Variants in SUMO2 observed in about 807,000 individuals in gnomAD.
SUMO2 encodes the protein small ubiquitin like modifier 2, also known as small ubiquitin-related modifier 2.
Under a neutral mutation model 16.0 loss-of-function variants are expected in SUMO2, and 1 was observed. The ratio of observed to expected loss-of-function variants is 0.06; its 90% CI spans 0.02 to 0.30. SUMO2 has a LOEUF of 0.30. Among genes scored for constraint, SUMO2 ranks in the 10% least tolerant of loss-of-function variants. The pLI, the probability that SUMO2 is intolerant of heterozygous loss-of-function variation, is 1.00. For synonymous variants in SUMO2, 36 were observed against 40.6 expected (o/e 0.89, Z 0.43); for missense variants, 16 against 117.5 (o/e 0.14, Z 3.99).
In SUMO2 at chr17:75,171,621, C is replaced by T. The variant is rs558481769; in HGVS notation, c.225+3131G>A. On this transcript the variant is annotated intron_variant, in intron 3 of 3. Transcript: ENST00000420826. ...AAATATTGGGAGAATAATTCTAAAACGAATCAATTCCAAATTCTTCAAAAT... is the reference window on the plus strand; with the variant it reads ...AAATATTGGGAGAATAATTCTAAAATGAATCAATTCCAAATTCTTCAAAAT... Among the ~76,000 whole-genome samples, 12 of 152,178 alleles carry T rather than the reference C, an allele frequency of 7.9e-5. No individual in the cohort carries two copies. The East Asian group carries it at 1.2e-3, about 15-fold the overall frequency.
At chr17:75,180,539 C>T (rs1255444492) in intron 2 of SUMO2, among the ~76,000 whole-genome samples, 2 of 150,292 alleles carry the variant, frequency 1.3e-5, no homozygotes, top group African/African-American at 4.9e-5. Flanking sequence ...ACGGTGAAAC[C>T]CCATCTCTAC....
chr17:75,169,332 A>C (rs1174207656), intron 3 of SUMO2, among the ~76,000 whole-genome samples: 8 of 152,030 alleles, frequency 5.3e-5, no homozygotes, highest in Non-Finnish European at 1.2e-4. Context: ...TGAGGTCAGG[A>C]GTTCAAGACC....
intron 3 of SUMO2, among the ~76,000 whole-genome samples, chr17:75,170,962 A>C (rs191962512): frequency 1.3e-5 from 2 of 151,386 alleles, no homozygotes; most frequent in African/African-American, 2.4e-5. Flanking sequence ...AAATATCTTT[A>C]AGATACAGTA....
At chr17:75,172,665 G>A (rs969885718) in intron 3 of SUMO2, among the ~76,000 whole-genome samples, 1 of 151,716 alleles carries the variant, frequency 6.6e-6, no homozygotes, top group Non-Finnish European at 1.5e-5. Flanking sequence ...AGTAGAGACG[G>A]GGTTTCTCCA....
intron 3 of SUMO2, among the ~76,000 whole-genome samples, chr17:75,173,476 C>CGT (rs745734014): frequency 3.9e-4 from 55 of 141,072 alleles, no homozygotes; most frequent in Non-Finnish European, 6.4e-4. Flanking sequence ...GACTGGAAGT[C>CGT]ATTTTTTTTT....
At chr17:75,182,293 T>G (rs1417821748) in intron 1 of SUMO2, 1 of 152,370 alleles carries the variant, frequency 6.6e-6, no homozygotes, top group Non-Finnish European at 1.5e-5. Context: ...TCCAGGTTCC[T>G]GCCCGTCCGC....
chr17:75,182,858 C>A lies in SUMO2; in HGVS notation c.-24G>T. Reference sequence around the variant, plus strand: ...ATGGCGAGCGCCGGAGTCTCCTCAGCTGCCGCTTCACAAAAGAGGTACCAG... The same window carrying A: ...ATGGCGAGCGCCGGAGTCTCCTCAGATGCCGCTTCACAAAAGAGGTACCAG... On this transcript the variant is annotated 5_prime_UTR_variant, in exon 1 of 4. Transcript: ENST00000420826. 1 of 1,397,530 alleles carries A rather than the reference C, an allele frequency of 7.2e-7. No individual in the cohort carries two copies. The highest frequency in any genetic ancestry group is 1.7e-5 in the South Asian group (1 of 59,060). 86.6% of individuals were successfully genotyped at this position (1,397,530 alleles called of 1,614,324 possible).
chr17:75,170,179 G>A (rs1488836397), intron 3 of SUMO2, among the ~76,000 whole-genome samples: 1 of 151,978 alleles, frequency 6.6e-6, no homozygotes, highest in Non-Finnish European at 1.5e-5. Context: ...TTAAATAAAT[G>A]AAAGCTGAAT....
At chr17:75,182,751 G>A in intron 1 of SUMO2, 63 bp downstream of exon 1, 1 of 1,262,754 alleles carries the variant, frequency 7.9e-7, no homozygotes, top group Non-Finnish European at 1.0e-6. Flanking sequence ...GCTCTGGCCG[G>A]ACCCCGGCCC....
Position 75,168,234 on chromosome 17 carries a change from G to A in SUMO2, c.*105C>T, listed in dbSNP as rs951919361. On this transcript the variant is annotated 3_prime_UTR_variant, in exon 4 of 4. Transcript: ENST00000420826. Reference sequence around the variant, plus strand: ...AATGAAAGAATAGAGAAAACTATACGGTAGTAGTCAGGATGTGGTGGAACC... The same window carrying A: ...AATGAAAGAATAGAGAAAACTATACAGTAGTAGTCAGGATGTGGTGGAACC... The A allele has an allele frequency of 7.6e-6, 6 of 792,930 alleles. No homozygotes were observed. The highest frequency in any genetic ancestry group is 3.6e-5 in the African/African-American group (2 of 55,898). 49.1% of individuals were successfully genotyped at this position (792,930 alleles called of 1,614,324 possible).
chr17:75,179,612 T>C (rs991693362), intron 2 of SUMO2, among the ~76,000 whole-genome samples: 15 of 151,794 alleles, frequency 9.9e-5, no homozygotes, highest in Non-Finnish European at 7.4e-5. Context: ...TATTTTCTTA[T>C]TACATTGTAA....
At chr17:75,181,773 G>A (rs1466501512) in intron 1 of SUMO2, among the ~76,000 whole-genome samples, 3 of 151,998 alleles carry the variant, frequency 2.0e-5, no homozygotes, top group Non-Finnish European at 4.4e-5. Context: ...CACAGTTAAC[G>A]TTCTCCTCTA....
At chr17:75,178,533 G>T (rs200247743) in intron 2 of SUMO2, among the ~76,000 whole-genome samples, 1 of 144,142 alleles carries the variant, frequency 6.9e-6, no homozygotes, top group African/African-American at 2.6e-5. Flanking sequence ...AAAAAGAAAA[G>T]AATACTGTTC....
intron 3 of SUMO2, among the ~76,000 whole-genome samples, chr17:75,174,283 T>C (rs187263668): frequency 0.013 from 1,966 of 152,174 alleles, 20 homozygotes; most frequent in Non-Finnish European, 0.022. Context: ...CCAGCTACTC[T>C]GGGAGGCTGA....
chr17:75,169,592 C>G (rs1249825113), intron 3 of SUMO2, among the ~76,000 whole-genome samples: 1 of 151,864 alleles, frequency 6.6e-6, no homozygotes, highest in South Asian at 2.1e-4. Flanking sequence ...ACCGTGTTAG[C>G]CAGGACAGTC....
At chr17:75,176,307 T>C (rs565669155) in intron 2 of SUMO2, among the ~76,000 whole-genome samples, 172 of 152,102 alleles carry the variant, frequency 1.1e-3, no homozygotes, top group Non-Finnish European at 2.1e-3. Flanking sequence ...ACAGGAAATT[T>C]AAAGGAAAAA....
chr17:75,176,102 C>T (rs1019249276), intron 2 of SUMO2, among the ~76,000 whole-genome samples: 5 of 151,396 alleles, frequency 3.3e-5, no homozygotes, highest in African/African-American at 1.2e-4. Flanking sequence ...GTGAGTGGAA[C>T]AATCTCAGTT....
At chr17:75,172,181 C>T (rs887552629) in intron 3 of SUMO2, among the ~76,000 whole-genome samples, 5 of 151,836 alleles carry the variant, frequency 3.3e-5, no homozygotes, top group Admixed American at 6.6e-5. Flanking sequence ...CACCACCATG[C>T]CCGGCTAATT....
At chr17:75,176,047 A>T (rs942099479) in intron 2 of SUMO2, among the ~76,000 whole-genome samples, 10 of 143,784 alleles carry the variant, frequency 7.0e-5, no homozygotes, top group South Asian at 2.2e-4. Flanking sequence ...AGGAAATGAA[A>T]TTTTTTTTTT....
Sources: allele counts gnomAD v4.1 joint callset (sites outside exome capture counted in the v4.1 genomes callset), GRCh38; gene constraint gnomAD v4.1.1; transcripts MANE v1.5; gene names NCBI Gene and HGNC (gene_info 2026-07-23, HGNC 2026-07-21).